Variants in NAA15 observed in about 807,000 individuals in gnomAD.
NAA15 encodes N-terminal acetyltransferase.
NAA15 carries 34 observed loss-of-function variants against 114.0 expected under a neutral mutation model. The ratio of observed to expected loss-of-function variants is 0.30; its 90% CI spans 0.23 to 0.40. The LOEUF (loss-of-function observed/expected upper bound fraction) is 0.40, where lower values mean the gene tolerates loss of function less well. NAA15 is among the 10% of genes least tolerant of loss of function. The pLI is 1.00. For synonymous variants in NAA15, 340 were observed against 338.0 expected, an observed-to-expected ratio of 1.01 and a Z score of -0.06; for missense variants, 658 against 1,004.5, an observed-to-expected ratio of 0.66 and a Z score of 4.66.
rs200059623 is a variant in NAA15 at position 139,333,172 on chromosome 4, A to ACTTT, written c.55-999_55-996dup. Among the ~76,000 whole-genome samples, 1,280 of 151,806 alleles carry ACTTT rather than the reference A, an allele frequency of 8.4e-3. 19 individuals are homozygous for ACTTT. Among genetic ancestry groups the ACTTT allele is most frequent in the African/African-American group, 0.03 (1,227 of 41,412 alleles). ...AGATGCAGTTTTTTTTTTTCCTAAT[A>ACTTT]CTTTCTATCTGTAGTTAGCAGAATC... On this transcript the variant is annotated intron_variant, in intron 1 of 19. Coordinates refer to ENST00000296543, the MANE Select transcript of NAA15 (RefSeq NM_057175.5).
chr4:139,375,180 A>T (rs1461685593), intron 15 of NAA15, among the ~76,000 whole-genome samples: 2 of 152,234 alleles, frequency 1.3e-5, no homozygotes, highest in Non-Finnish European at 2.9e-5. Flanking sequence ...CATGGGAGCA[A>T]GAAGTAAAAT....
At chr4:139,367,805 T>G (rs753919016) in intron 14 of NAA15, among the ~76,000 whole-genome samples, 16 of 152,202 alleles carry the variant, frequency 1.1e-4, no homozygotes, top group Non-Finnish European at 1.9e-4. Flanking sequence ...TTTAGTTTCT[T>G]TGTCCTCTTA....
At chr4:139,378,626 C>T in intron 16 of NAA15, 130 bp from the exon 17 acceptor site, 1 of 439,730 alleles carries the variant, frequency 2.3e-6, no homozygotes. Flanking sequence ...AAATCGTTTG[C>T]CTCAATCGTA....
chr4:139,388,084 AACAT>A lies in NAA15; in HGVS notation c.*1_*4del, dbSNP rs1442476943. On this transcript the variant is annotated 3_prime_UTR_variant, in exon 20 of 20. Coordinates refer to ENST00000296543, the MANE Select transcript of NAA15 (RefSeq NM_057175.5). ...CTGAAGAACTGGCCAATGAAATTTG[AACAT>A]CACTAAACAAGCAAATGGAATGACT... The A allele has an allele frequency of 6.2e-7, 1 of 1,612,510 alleles. No individual in the cohort carries two copies. The highest frequency in any genetic ancestry group is 1.7e-5 in the Admixed American group (1 of 59,902).
At chr4:139,362,041 G>A in intron 14 of NAA15, 104 bp downstream of exon 14, 1 of 676,638 alleles carries the variant, frequency 1.5e-6, no homozygotes, top group South Asian at 3.4e-5. Flanking sequence ...AGCACCACGA[G>A]GAAAGATATT....
intron 11 of NAA15, 122 bp downstream of exon 11, chr4:139,357,677 A>G: frequency 1.5e-6 from 1 of 667,674 alleles, no homozygotes; most frequent in South Asian, 2.0e-5. Context: ...AACATGAAGT[A>G]ACAAGTATAG....
chr4:139,386,089 T>G, intron 18 of NAA15, 44 bp from the exon 19 acceptor site: 1 of 1,036,480 alleles, frequency 9.6e-7, no homozygotes, highest in Non-Finnish European at 1.5e-6. Flanking sequence ...GGATAAGATG[T>G]TGGTTTTACC....
chr4:139,314,636 T>A (rs565268286), intron 1 of NAA15, among the ~76,000 whole-genome samples: 1 of 152,006 alleles, frequency 6.6e-6, no homozygotes, highest in East Asian at 1.9e-4. Flanking sequence ...TGCCACTAAA[T>A]GAAAACCAAG....
chr4:139,315,178 G>A, intron 1 of NAA15, among the ~76,000 whole-genome samples: 1 of 151,712 alleles, frequency 6.6e-6, no homozygotes, highest in East Asian at 1.9e-4. Flanking sequence ...TTTGATAGAG[G>A]CTAATTCATT....
At chr4:139,302,433 C>T (rs978911357) in intron 1 of NAA15, 1 of 152,302 alleles carries the variant, frequency 6.6e-6, no homozygotes, top group Non-Finnish European at 1.5e-5. Context: ...TAGTCAGTTG[C>T]ATACTGGAGT....
intron 9 of NAA15, among the ~76,000 whole-genome samples, chr4:139,353,594 A>G (rs574005680): frequency 7.2e-5 from 11 of 152,306 alleles, no homozygotes; most frequent in African/African-American, 2.4e-4. Context: ...GAGTTTTACT[A>G]ATGTTTTACC....
chr4:139,323,670 G>T (rs1421399084), intron 1 of NAA15, among the ~76,000 whole-genome samples: 1 of 152,166 alleles, frequency 6.6e-6, no homozygotes, highest in Non-Finnish European at 1.5e-5. Flanking sequence ...TCTGGAAGAT[G>T]CTTCTAGAGA....
At chr4:139,308,630 C>T (rs1746107031) in intron 1 of NAA15, among the ~76,000 whole-genome samples, 1 of 152,184 alleles carries the variant, frequency 6.6e-6, no homozygotes, top group African/African-American at 2.4e-5. Flanking sequence ...TGGAGTCTCA[C>T]TTTTGTCGTC....
At chr4:139,327,911 C>T (rs1370614868) in intron 1 of NAA15, among the ~76,000 whole-genome samples, 34 of 152,238 alleles carry the variant, frequency 2.2e-4, no homozygotes, top group Admixed American at 2.2e-3. Context: ...GTGATCCACC[C>T]GTCTCAGCCT....
At chr4:139,360,379 A>G in intron 12 of NAA15, 121 bp from the exon 13 acceptor site, 1 of 748,346 alleles carries the variant, frequency 1.3e-6, no homozygotes. Flanking sequence ...TTCTTTAAGA[A>G]TGTTTTAAAA....
intron 12 of NAA15, 150 bp downstream of exon 12, chr4:139,360,045 T>A (rs1748084069): frequency 1.4e-6 from 1 of 726,214 alleles, no homozygotes. Flanking sequence ...CAGAAGATAC[T>A]GGAGTCAACA....
chr4:139,367,492 C>T (rs1293940950), intron 14 of NAA15, among the ~76,000 whole-genome samples: 1 of 152,144 alleles, frequency 6.6e-6, no homozygotes, highest in Non-Finnish European at 1.5e-5. Context: ...ATAGAATAAA[C>T]ATCATGAATC....
chr4:139,363,179 G>T (rs982366093), intron 14 of NAA15, among the ~76,000 whole-genome samples: 4 of 152,110 alleles, frequency 2.6e-5, no homozygotes, highest in African/African-American at 7.2e-5. Context: ...ATGACCCTCT[G>T]GCTTCTTTTG....
intron 1 of NAA15, among the ~76,000 whole-genome samples, chr4:139,307,370 G>A (rs1041335747): frequency 6.6e-6 from 1 of 152,214 alleles, no homozygotes; most frequent in Non-Finnish European, 1.5e-5. Context: ...CCGGGCTCAA[G>A]CTATCCTCCT....
Sources: allele counts gnomAD v4.1 joint callset (sites outside exome capture counted in the v4.1 genomes callset), GRCh38; gene constraint gnomAD v4.1.1; transcripts MANE v1.5; gene names NCBI Gene and HGNC (gene_info 2026-07-23, HGNC 2026-07-21).